The following ADK variants were observed in gnomAD, a reference collection of about 807,000 sequenced individuals.
ADK encodes N6,N6-dimethyladenosine kinase.
ADK carries 24 observed loss-of-function variants against 44.7 expected under a neutral mutation model. The observed-to-expected ratio is 0.54, with a 90% CI of 0.39 to 0.76. The LOEUF (loss-of-function observed/expected upper bound fraction) is 0.76. Ranked by LOEUF, ADK falls within the 30% of genes least tolerant of loss-of-function variation. The pLI is 0.00. For missense variants in ADK, 321 were observed against 425.1 expected (o/e 0.76, Z 2.15); for synonymous variants, 128 against 142.6 (o/e 0.90, Z 0.73).
chr10:74,692,485 T>TA (rs766309739), intron 10 of ADK, among the ~76,000 whole-genome samples: 9 of 150,850 alleles, frequency 6.0e-5, no homozygotes, highest in Admixed American at 1.3e-4. Context: ...GTCTCAAAAA[T>TA]AAAAAAAAGA....
chr10:74,679,688 G>A (rs1237690062), intron 10 of ADK, among the ~76,000 whole-genome samples: 1 of 151,960 alleles, frequency 6.6e-6, no homozygotes, highest in East Asian at 1.9e-4. Context: ...TAGGCCAGGC[G>A]CAGGGGCTCA....
chr10:74,345,811 A>G (rs1430666077), intron 4 of ADK, among the ~76,000 whole-genome samples: 1 of 152,230 alleles, frequency 6.6e-6, no homozygotes, highest in Non-Finnish European at 1.5e-5. Flanking sequence ...ATAGTTTAGA[A>G]TAGTTTGTTT....
chr10:74,362,530 C>T (rs1360881335), intron 4 of ADK, among the ~76,000 whole-genome samples: 4 of 152,098 alleles, frequency 2.6e-5, no homozygotes, highest in Admixed American at 1.3e-4. Flanking sequence ...TCACATATCT[C>T]GGTCACTTTC....
At chr10:74,280,414 A>AC (rs1846886669) in intron 3 of ADK, among the ~76,000 whole-genome samples, 3 of 134,372 alleles carry the variant, frequency 2.2e-5, no homozygotes, top group Admixed American at 7.8e-5. Flanking sequence ...AAACAAGTTT[A>AC]AACACACACA....
chr10:74,539,139 A>G (rs1015193602), intron 7 of ADK, among the ~76,000 whole-genome samples: 1 of 152,204 alleles, frequency 6.6e-6, no homozygotes, highest in Non-Finnish European at 1.5e-5. Flanking sequence ...CTATACACAG[A>G]GAATTCTTGT....
chr10:74,608,858 G>T (rs1271294000), intron 9 of ADK, among the ~76,000 whole-genome samples: 1 of 152,176 alleles, frequency 6.6e-6, no homozygotes, highest in Non-Finnish European at 1.5e-5. Context: ...GTCCCAGAGA[G>T]ATGGGAGTTT....
At chr10:74,176,920 G>T (rs1219185564) in intron 1 of ADK, 1 of 1,608,942 alleles carries the variant, frequency 6.2e-7, no homozygotes, top group African/African-American at 1.3e-5. Context: ...ACTGCTCCGA[G>T]CTGGGCGTTA....
chr10:74,392,938 A>G (rs1229998004), intron 4 of ADK, among the ~76,000 whole-genome samples: 2 of 152,026 alleles, frequency 1.3e-5, no homozygotes. Context: ...GTGTGGATAT[A>G]TCATAATTTA....
intron 7 of ADK, among the ~76,000 whole-genome samples, chr10:74,532,730 G>A (rs1313957244): frequency 3.3e-5 from 5 of 150,910 alleles, no homozygotes; most frequent in South Asian, 4.2e-4. Flanking sequence ...GCAAAACCGC[G>A]TCTCTACTAA....
At chr10:74,224,236 G>A (rs184142111) in intron 2 of ADK, among the ~76,000 whole-genome samples, 6 of 152,228 alleles carry the variant, frequency 3.9e-5, no homozygotes, top group African/African-American at 1.2e-4. Context: ...AATACTTAAC[G>A]TTGTAGTTGT....
chr10:74,282,831 T>A (rs1846996716), intron 3 of ADK, among the ~76,000 whole-genome samples: 1 of 152,210 alleles, frequency 6.6e-6, no homozygotes, highest in African/African-American at 2.4e-5. Context: ...ATCATATTTT[T>A]CTTTTGCTGT....
chr10:74,354,262 T>G (rs1842062912), intron 4 of ADK, among the ~76,000 whole-genome samples: 1 of 152,194 alleles, frequency 6.6e-6, no homozygotes, highest in Non-Finnish European at 1.5e-5. Context: ...GCAGATCCTA[T>G]GCTGCCCTGA....
chr10:74,562,027 C>T (rs1323444204), intron 7 of ADK, among the ~76,000 whole-genome samples: 1 of 152,200 alleles, frequency 6.6e-6, no homozygotes, highest in African/African-American at 2.4e-5. Context: ...ACAACCTTCT[C>T]GCCTTCTCTA....
In ADK at chr10:74,683,902, C is replaced by G. The variant is rs555959811; in HGVS notation, c.964+13633C>G. On this transcript the variant is annotated intron_variant, in intron 10 of 10. Coordinates refer to ENST00000539909, the MANE Select transcript of ADK (RefSeq NM_006721.4). ...CCTTATCGATGGGCCTCTTACCCAG[C>G]TCTCTAGGTTTAACTGAGTTGAGTC... Among the ~76,000 whole-genome samples, 7 of 152,336 alleles carry G rather than the reference C, an allele frequency of 4.6e-5. No individual in the cohort carries two copies. In the South Asian group the frequency reaches 1.4e-3, roughly 32 times the overall value.
chr10:74,208,085 A>C (rs1406073936), intron 2 of ADK, among the ~76,000 whole-genome samples: 1 of 152,252 alleles, frequency 6.6e-6, no homozygotes, highest in Non-Finnish European at 1.5e-5. Flanking sequence ...GGGCTTGGCC[A>C]CGACTTTGCT....
chr10:74,420,126 T>C (rs1272104071), intron 6 of ADK, among the ~76,000 whole-genome samples: 11 of 152,164 alleles, frequency 7.2e-5, no homozygotes, highest in Non-Finnish European at 1.6e-4. Context: ...CCTACATAGT[T>C]AACTACTTCC....
chr10:74,651,823 G>A (rs1854283901), intron 9 of ADK, among the ~76,000 whole-genome samples: 2 of 152,120 alleles, frequency 1.3e-5, no homozygotes, highest in African/African-American at 4.8e-5. Context: ...GTGGATGACT[G>A]ATGTGAGTAA....
intron 1 of ADK, among the ~76,000 whole-genome samples, chr10:74,170,665 T>C: frequency 6.6e-6 from 1 of 151,636 alleles, no homozygotes; most frequent in East Asian, 1.9e-4. Context: ...CCGGGCGTGG[T>C]GGCGGGCACC....
intron 4 of ADK, among the ~76,000 whole-genome samples, chr10:74,327,213 T>C (rs1330186632): frequency 6.6e-6 from 1 of 152,202 alleles, no homozygotes; most frequent in East Asian, 1.9e-4. Flanking sequence ...AGGTTATGCT[T>C]TTTTTCCATT....
Sources: allele counts gnomAD v4.1 joint callset (sites outside exome capture counted in the v4.1 genomes callset), GRCh38; gene constraint gnomAD v4.1.1; transcripts MANE v1.5; gene names NCBI Gene and HGNC (gene_info 2026-07-23, HGNC 2026-07-21).